The following CD247 variants were observed in gnomAD, a reference collection of about 807,000 sequenced individuals.
CD247 encodes T-cell surface glycoprotein CD3 zeta chain.
CD247 carries 13 observed loss-of-function variants against 30.0 expected under a neutral mutation model. The observed-to-expected ratio is 0.43, with a 90% confidence interval of 0.28 to 0.69. The LOEUF is 0.69. CD247 is among the 30% of genes least tolerant of loss of function. The pLI is 0.16. For synonymous variants in CD247, 72 were observed against 80.0 expected, an observed-to-expected ratio of 0.90 and a Z score of 0.53; for missense variants, 193 against 212.6, an observed-to-expected ratio of 0.91 and a Z score of 0.57.
intron 1 of CD247, among the ~76,000 whole-genome samples, chr1:167,479,405 T>C (rs1653877650): frequency 6.6e-6 from 1 of 152,206 alleles, no homozygotes; most frequent in African/African-American, 2.4e-5. Flanking sequence ...CCAGATTAGC[T>C]TGAAGGGCCC....
At chr1:167,490,577 C>T (rs545436517) in intron 1 of CD247, among the ~76,000 whole-genome samples, 1 of 152,084 alleles carries the variant, frequency 6.6e-6, no homozygotes, top group East Asian at 1.9e-4. Context: ...GAGCCGAGAT[C>T]GCGCCACTGC....
intron 1 of CD247, among the ~76,000 whole-genome samples, chr1:167,501,226 A>ATT (rs141428321): frequency 6.9e-6 from 1 of 143,886 alleles, no homozygotes; most frequent in Non-Finnish European, 1.5e-5. Context: ...CTAATTTTGT[A>ATT]TTTTTTTTTT....
chr1:167,486,536 G>A lies in CD247; in HGVS notation c.58+31872C>T, dbSNP rs181902817. 3.5e-4 allele frequency among the ~76,000 whole-genome samples: 54 copies of A among 152,368 alleles called. No individual in the cohort carries two copies. In the East Asian group the frequency reaches 6.7e-3, roughly 19 times the overall value. ...CCAGATGACCTCAGGCCCAGCCGCC[G>A]GTCCAGGGCCCGCCTCGAGTTTGCG... On this transcript the variant is annotated intron_variant, in intron 1 of 7. Coordinates refer to ENST00000362089, the MANE Select transcript of CD247 (RefSeq NM_198053.3).
At chr1:167,472,433 A>C (rs1653570151) in intron 1 of CD247, among the ~76,000 whole-genome samples, 1 of 152,238 alleles carries the variant, frequency 6.6e-6, no homozygotes, top group African/African-American at 2.4e-5. Flanking sequence ...GCCTATGGCC[A>C]AATGTGTTTG....
At chr1:167,497,547 G>T (rs1418325141) in intron 1 of CD247, among the ~76,000 whole-genome samples, 1 of 152,092 alleles carries the variant, frequency 6.6e-6, no homozygotes, top group Non-Finnish European at 1.5e-5. Flanking sequence ...CTACTTTCAG[G>T]GGGAGCATTA....
At chr1:167,433,909 C>T in intron 6 of CD247, 111 bp downstream of exon 6, 2 of 1,007,318 alleles carry the variant, frequency 2.0e-6, no homozygotes, top group Admixed American at 1.7e-5. Flanking sequence ...ATGGCCACCA[C>T]ATGGGCATTT....
intron 1 of CD247, among the ~76,000 whole-genome samples, chr1:167,489,166 A>G (rs1162837409): frequency 1.3e-5 from 2 of 152,180 alleles, no homozygotes; most frequent in East Asian, 3.9e-4. Flanking sequence ...TGAAAGAGAT[A>G]AAGGAGAGTT....
At position 167,431,155 on chromosome 1, in the gene CD247, A is replaced by G; in HGVS notation, c.*526T>C. On this transcript the variant is annotated 3_prime_UTR_variant, in exon 8 of 8. Coordinates refer to ENST00000362089, the MANE Select transcript of CD247 (RefSeq NM_198053.3). The stretch of plus-strand genomic sequence containing the variant: ...GCAGCTCCCTGGTTGCACCTGGCCT[A>G]GGCTCCTTTCCATCTGCCCCTCTGC... The G allele has an allele frequency of 2.3e-6, 1 of 427,670 alleles. No individual in the cohort carries two copies. Among genetic ancestry groups the G allele is most frequent in the Non-Finnish European group, 4.1e-6 (1 of 242,298 alleles). The allele number at this position is 427,670 out of a possible 1,614,324, so 26.5% of individuals were successfully genotyped here.
chr1:167,497,628 A>G (rs1048035897), intron 1 of CD247, among the ~76,000 whole-genome samples: 1 of 152,208 alleles, frequency 6.6e-6, no homozygotes, highest in Admixed American at 6.5e-5. Flanking sequence ...TTAAAATAAG[A>G]TATAGGATGA....
rs1412944045 is a variant in CD247 at position 167,494,768 on chromosome 1, A to G, written c.58+23640T>C. ...GATAAATGTTTATTAAAGAATGTGAAGGTCTCATCAAAAACCAAGCATGAG... is the reference window on the plus strand; with the variant it reads ...GATAAATGTTTATTAAAGAATGTGAGGGTCTCATCAAAAACCAAGCATGAG... On this transcript the variant is annotated intron_variant, in intron 1 of 7. Transcript: ENST00000362089. This position sits in a 1 kb window ranked among gnomAD's most constrained non-coding sequence, Gnocchi z 7.3. Among the ~76,000 whole-genome samples the G allele has an allele frequency of 1.3e-5, 2 of 152,226 alleles. No homozygotes were observed. Among genetic ancestry groups the G allele is most frequent in the East Asian group, 3.8e-4 (2 of 5,196 alleles).
chr1:167,480,879 G>A (rs549809666), intron 1 of CD247, among the ~76,000 whole-genome samples: 29 of 152,294 alleles, frequency 1.9e-4, no homozygotes, highest in South Asian at 8.3e-4. Context: ...CATTTGTGAC[G>A]TGATAAAACT....
At chr1:167,472,364 C>T (rs140418902) in intron 1 of CD247, among the ~76,000 whole-genome samples, 16 of 152,268 alleles carry the variant, frequency 1.1e-4, no homozygotes, top group Admixed American at 2.0e-4. Context: ...CCTGATAAAA[C>T]GCTCACAATA....
intron 1 of CD247, among the ~76,000 whole-genome samples, chr1:167,450,742 A>C (rs947651627): frequency 6.6e-6 from 1 of 151,664 alleles, no homozygotes; most frequent in Non-Finnish European, 1.5e-5. Flanking sequence ...GTAAAACCCC[A>C]TCTCTACTAA....
Position 167,466,994 on chromosome 1 carries a change from C to T in CD247, c.59-26227G>A, listed in dbSNP as rs549138706. Among the ~76,000 whole-genome samples, 169 of 152,332 alleles carry T rather than the reference C, an allele frequency of 1.1e-3. 2 individuals are homozygous for T. Among genetic ancestry groups the T allele is most frequent in the Admixed American group, 1.8e-3 (27 of 15,306 alleles). On this transcript the variant is annotated intron_variant, in intron 1 of 7. Transcript: ENST00000362089. ...AGCTGGGACTACAGGCGCCCGCCAC[C>T]GCGCCCTGCTAATTTTTTGTATTTT...
chr1:167,430,828 T>G lies in CD247; in HGVS notation c.*853A>C. The G allele has an allele frequency of 2.5e-6, 1 of 398,772 alleles. No individual in the cohort carries two copies. The highest frequency in any genetic ancestry group is 3.6e-5 in the East Asian group (1 of 28,082). 24.7% of individuals were successfully genotyped at this position (398,772 alleles called of 1,614,324 possible). A position where few individuals can be genotyped will look rare whatever the true frequency, so the allele number is the denominator to read the frequency against. On this transcript the variant is annotated 3_prime_UTR_variant, in exon 8 of 8. Transcript: ENST00000362089. ...CCTGCCACTGTCCGCTGGGCAGTTA[T>G]AGGTCCCATGTGTTGGGTCTTCCTG...
chr1:167,464,362 C>A (rs1653148855), intron 1 of CD247, among the ~76,000 whole-genome samples: 1 of 152,150 alleles, frequency 6.6e-6, no homozygotes, highest in South Asian at 2.1e-4. Context: ...CACTTGGCTC[C>A]AAACACAGAG....
chr1:167,459,088 T>G (rs1652867969), intron 1 of CD247, among the ~76,000 whole-genome samples: 1 of 150,312 alleles, frequency 6.7e-6, no homozygotes, highest in Non-Finnish European at 1.5e-5. Context: ...TGAGCCGAGA[T>G]CAAGCCACTG....
intron 1 of CD247, among the ~76,000 whole-genome samples, chr1:167,511,634 T>C (rs1458921285): frequency 2.0e-5 from 3 of 152,190 alleles, no homozygotes; most frequent in Non-Finnish European, 4.4e-5. Context: ...AATTATTTTT[T>C]ACTGTAAAAA....
intron 5 of CD247, chr1:167,434,851 G>T: frequency 2.2e-6 from 1 of 461,468 alleles, no homozygotes. Flanking sequence ...GATCCAAGAA[G>T]GGAAGGTCTG....
Sources: gnomAD v4.1 joint callset for allele counts (sites outside exome capture counted in the v4.1 genomes callset) on GRCh38, gnomAD v4.1.1 for gene constraint, Gnocchi (gnomAD v3.1) non-coding constraint, MANE v1.5 for transcripts, NCBI Gene and HGNC (gene_info 2026-07-23, HGNC 2026-07-21) for gene names.